The following WSCD1 variants were observed in gnomAD, a reference collection of about 807,000 sequenced individuals.
The protein encoded by WSCD1 is sialate:O-sulfotransferase 1.
Under a neutral mutation model 60.4 loss-of-function variants are expected in WSCD1, and 41 were observed. The ratio of observed to expected loss-of-function variants is 0.68; its 90% CI spans 0.53 to 0.88. The LOEUF is 0.88. WSCD1 is among the 40% of genes least tolerant of loss of function. The pLI is 0.00. For missense variants in WSCD1, 784 were observed against 796.2 expected, an observed-to-expected ratio of 0.98 and a Z score of 0.18; for synonymous variants, 361 against 332.5, an observed-to-expected ratio of 1.09 and a Z score of -0.93.
At chr17:6,088,787 T>TC (rs1909825556) in intron 3 of WSCD1, among the ~76,000 whole-genome samples, 1 of 14,356 alleles carries the variant, frequency 7.0e-5, no homozygotes, top group Non-Finnish European at 3.2e-4. Flanking sequence ...TTTTTTCACC[T>TC]TTTTTTTTTT....
At chr17:6,097,147 CACACACAGCCCGTGGTTTT>C (rs1175471054) in intron 5 of WSCD1, among the ~76,000 whole-genome samples, 2 of 152,270 alleles carry the variant, frequency 1.3e-5, no homozygotes, top group Non-Finnish European at 2.9e-5. Context: ...CTCCTGACGC[CACACACAGCCCGTGGTTTT>C]ACACACTGCT....
At chr17:6,091,099 G>A (rs184169995) in intron 4 of WSCD1, among the ~76,000 whole-genome samples, 1 of 152,102 alleles carries the variant, frequency 6.6e-6, no homozygotes, top group Non-Finnish European at 1.5e-5. Flanking sequence ...TCACCACATT[G>A]GCCAGGCTGG....
At position 6,120,602 on chromosome 17, in the gene WSCD1, G is replaced by A. The variant is rs753021904; in HGVS notation, c.1669G>A (p.Asp557Asn). 4.3e-6 allele frequency: 7 copies of A among 1,613,532 alleles called. No individual in the cohort carries two copies. Among genetic ancestry groups the A allele is most frequent in the Middle Eastern group, 3.3e-4 (2 of 6,062 alleles). The change falls in exon 9 of 9, where the codon GAC becomes AAC. Residue 557 changes from aspartate (D) to asparagine (N), a missense_variant. Physicochemically the swap from Asp to Asn is conservative, Grantham distance 23 (BLOSUM62 1). Coordinates refer to ENST00000317744, the MANE Select transcript of WSCD1 (RefSeq NM_015253.2). Reference sequence around the variant, plus strand: ...GATCAATGGCTACATCCGGACGGTGGACCAAGCCCTGCGTGACCACAACTG... The same window carrying A: ...GATCAATGGCTACATCCGGACGGTGAACCAAGCCCTGCGTGACCACAACTG... ...DLINGYIRTV[D>N]QALRDHNWTG...
At chr17:6,115,806 G>A (rs1382210562) in intron 7 of WSCD1, among the ~76,000 whole-genome samples, 1 of 152,028 alleles carries the variant, frequency 6.6e-6, no homozygotes, top group Non-Finnish European at 1.5e-5. Flanking sequence ...ATGTTGGCCA[G>A]GCTAGTCTCA....
At chr17:6,076,524 T>A (rs1042061379) in intron 1 of WSCD1, among the ~76,000 whole-genome samples, 4 of 152,176 alleles carry the variant, frequency 2.6e-5, no homozygotes, top group African/African-American at 9.7e-5. Context: ...CTTGCCTCTT[T>A]TGCATTCATA....
chr17:6,116,421 C>CAT (rs567475731), intron 7 of WSCD1, among the ~76,000 whole-genome samples: 1 of 152,064 alleles, frequency 6.6e-6, no homozygotes, highest in Non-Finnish European at 1.5e-5. Context: ...CACACACACA[C>CAT]GCACAATTCA....
Position 6,095,083 on chromosome 17 carries a change from C to A in WSCD1, c.728-19C>A, listed in dbSNP as rs776150090. The stretch of plus-strand genomic sequence containing the variant: ...ACTGGACACCATCTCTTACCAGAAA[C>A]CCCTCTCTTTTCCCCCAGGGCGGAC... On this transcript the variant is annotated intron_variant, in intron 4 of 8. Coordinates refer to ENST00000317744, the MANE Select transcript of WSCD1 (RefSeq NM_015253.2). The A allele has an allele frequency of 1.8e-5, 29 of 1,602,766 alleles. No individual in the cohort carries two copies. The highest frequency in any genetic ancestry group is 5.2e-5 in the Admixed American group (3 of 58,084).
intron 5 of WSCD1, among the ~76,000 whole-genome samples, chr17:6,109,406 T>C (rs1040610901): frequency 2.0e-5 from 3 of 152,220 alleles, no homozygotes; most frequent in African/African-American, 7.2e-5. Flanking sequence ...CTTGAGCTGC[T>C]TGAAGCTCAC....
At position 6,120,384 on chromosome 17, in the gene WSCD1, G is replaced by A. The variant is rs374667443; in HGVS notation, c.1451G>A (p.Arg484Gln). 19 of 1,613,928 alleles carry A rather than the reference G, an allele frequency of 1.2e-5. No homozygotes were observed. Among genetic ancestry groups the A allele is most frequent in the African/African-American group, 6.7e-5 (5 of 74,950 alleles). ...HVLDWLKYGK[R>Q]LLVVHYEELR... Reference sequence around the variant, plus strand: ...CTGGACTGGCTCAAGTACGGGAAGCGGCTGCTGGTGGTGCACTACGAGGAG... The same window carrying A: ...CTGGACTGGCTCAAGTACGGGAAGCAGCTGCTGGTGGTGCACTACGAGGAG... The change falls in exon 9 of 9, where the codon CGG becomes CAG. Residue 484 changes from arginine to glutamine, a missense_variant. Physicochemically the swap from Arg to Gln is conservative, Grantham distance 43 (BLOSUM62 1). Transcript: ENST00000317744.
At chr17:6,091,841 A>T (rs1056393787) in intron 4 of WSCD1, among the ~76,000 whole-genome samples, 1 of 152,144 alleles carries the variant, frequency 6.6e-6, no homozygotes, top group Admixed American at 6.5e-5. Flanking sequence ...TAGTTCAAGA[A>T]TGGGGCAGAG....
Position 6,095,359 on chromosome 17 carries a change from G to A in WSCD1, c.849+136G>A, listed in dbSNP as rs186788007. 8 of 1,240,670 alleles carry A rather than the reference G, an allele frequency of 6.4e-6. No homozygotes were observed. The East Asian group carries it at 2.4e-4, about 37-fold the overall frequency. The allele number at this position is 1,240,670 out of a possible 1,614,324, so 76.9% of individuals were successfully genotyped here. On this transcript the variant is annotated intron_variant, in intron 5 of 8. Transcript: ENST00000317744. ...GGAGCAGAGGAAGGGGGCATGGATG[G>A]GAGGCAGGCACCAGGTACCACAGAG... is the stretch of plus-strand genomic sequence containing the variant.
rs185953931 is a variant in WSCD1 at position 6,076,150 on chromosome 17, C to T, written c.-288-4221C>T. Among the ~76,000 whole-genome samples the T allele has an allele frequency of 3.5e-4, 54 of 152,290 alleles. No homozygotes were observed. The East Asian group carries it at 9.7e-3, about 27-fold the overall frequency. ...AGGCCCTGGGAGCAGGTGGCCTGGT[C>T]TGAGTGCTGGCCCTGAGCTGTCTGG... On this transcript the variant is annotated intron_variant, in intron 1 of 8. Coordinates refer to ENST00000317744, the MANE Select transcript of WSCD1 (RefSeq NM_015253.2).
rs750300169 is a variant in WSCD1, at chr17:6,095,090, C to CT, written c.728-8dup. On this transcript the variant is annotated splice_polypyrimidine_tract_variant and intron_variant, in intron 4 of 8. Coordinates refer to ENST00000317744, the MANE Select transcript of WSCD1 (RefSeq NM_015253.2). ...ACCATCTCTTACCAGAAACCCCTCT[C>CT]TTTTCCCCCAGGGCGGACCGCCACC... The CT allele has an allele frequency of 1.2e-6, 2 of 1,605,152 alleles. No homozygotes were observed. The highest frequency in any genetic ancestry group is 1.7e-5 in the Admixed American group (1 of 58,282).
intron 1 of WSCD1, among the ~76,000 whole-genome samples, chr17:6,076,206 T>C (rs1051422400): frequency 1.3e-5 from 2 of 152,112 alleles, no homozygotes; most frequent in Non-Finnish European, 2.9e-5. Context: ...CTGGCTGAGC[T>C]TCAGAGACCT....
At chr17:6,117,915 A>G (rs1003043706) in intron 7 of WSCD1, 73 bp from the exon 8 acceptor site, 23 of 1,510,086 alleles carry the variant, frequency 1.5e-5, no homozygotes, top group Middle Eastern at 2.4e-4. Flanking sequence ...GCTTTACCCA[A>G]TCTGTCTGCT....
chr17:6,085,674 G>A (rs7406965), intron 2 of WSCD1, among the ~76,000 whole-genome samples: 25,348 of 152,138 alleles, frequency 0.17, 2,274 homozygotes, highest in South Asian at 0.22. Context: ...AAAACCTTGT[G>A]GTTAATTTCC....
intron 5 of WSCD1, among the ~76,000 whole-genome samples, chr17:6,102,780 C>T (rs1332670261): frequency 1.3e-5 from 2 of 152,130 alleles, no homozygotes; most frequent in Admixed American, 1.3e-4. Flanking sequence ...CGCTTATTGG[C>T]ATTCTGTCCT....
intron 1 of WSCD1, among the ~76,000 whole-genome samples, chr17:6,076,852 T>TC (rs528717037): frequency 3.8e-4 from 58 of 150,916 alleles, no homozygotes; most frequent in African/African-American, 1.3e-3. Context: ...GTGTAGATGC[T>TC]CCAAGTTTCC....
chr17:6,109,710 A>G lies in WSCD1; in HGVS notation c.953A>G (p.Asp318Gly), dbSNP rs945523706. The G allele has an allele frequency of 3.1e-6, 5 of 1,614,004 alleles. No homozygotes were observed. In the African/African-American group the frequency reaches 6.7e-5, roughly 22 times the overall value. ...ATGGACAGCTCAGTATGTGGCCAGG[A>G]CCCTGAGGCACAGAGGCTGGCAGAA... ...DAMDSSVCGQ[D>G]PEAQRLAEYC... The change falls in exon 6 of 9, where the codon GAC becomes GGC. Residue 318 changes from aspartate to glycine, a missense_variant. By Grantham distance (94) the Asp-to-Gly change is moderately conservative. Coordinates refer to ENST00000317744, the MANE Select transcript of WSCD1 (RefSeq NM_015253.2).
Sources: allele counts gnomAD v4.1 joint callset (sites outside exome capture counted in the v4.1 genomes callset), GRCh38; gene constraint gnomAD v4.1.1; transcripts MANE v1.5; gene names NCBI Gene and HGNC (gene_info 2026-07-23, HGNC 2026-07-21).